Variants in NBPF12 observed in about 807,000 individuals in gnomAD.
NBPF12 encodes the protein NBPF member 12.
A neutral mutation model predicts 146.4 loss-of-function variants in NBPF12; 115 were observed. That is an observed-to-expected ratio of 0.79 (90% CI 0.68 to 0.92). The LOEUF is 0.92. Among genes scored for constraint, NBPF12 ranks in the 40% least tolerant of loss-of-function variants. The pLI, the probability that NBPF12 is intolerant of heterozygous loss-of-function variation, is 0.00. For synonymous variants in NBPF12, 385 were observed against 508.9 expected, an observed-to-expected ratio of 0.76 and a Z score of 3.28; for missense variants, 1,205 against 1,326.8, an observed-to-expected ratio of 0.91 and a Z score of 1.43.
chr1:146,961,085 G>A (rs1429360892), intron 4 of NBPF12, among the ~76,000 whole-genome samples: 6 of 152,098 alleles, frequency 3.9e-5, no homozygotes, highest in South Asian at 4.1e-4. Flanking sequence ...GGCAGGTGTT[G>A]CAGTGAGCCA....
intron 1 of NBPF12, among the ~76,000 whole-genome samples, chr1:146,950,122 G>A (rs1218342560): frequency 5.9e-5 from 9 of 152,062 alleles, no homozygotes; most frequent in East Asian, 3.8e-4. Flanking sequence ...AGTAGGACAC[G>A]CACATTCCCC....
chr1:146,961,708 A>C (rs1490404349), intron 4 of NBPF12, among the ~76,000 whole-genome samples: 1 of 152,008 alleles, frequency 6.6e-6, no homozygotes, highest in Admixed American at 6.5e-5. Context: ...AAATATTTTT[A>C]AAGTCCTTGA....
At chr1:146,972,842 A>T in exon 14 of NBPF12, 11 of 1,313,424 alleles carry the variant, frequency 8.4e-6, no homozygotes, top group Non-Finnish European at 5.5e-6. Context: ...ACATTCTAGA[A>T]ATCAATGAGA....
intron 2 of NBPF12, among the ~76,000 whole-genome samples, chr1:146,959,277 A>G (rs1259484922): frequency 1.8e-5 from 1 of 55,806 alleles, no homozygotes; most frequent in Non-Finnish European, 3.2e-5. Context: ...GATCGAGACC[A>G]TCCTGGCTAA....
intron 12 of NBPF12, 32 bp from the exon 16 acceptor site, chr1:146,971,148 ATCT>A: frequency 6.2e-7 from 1 of 1,610,330 alleles, no homozygotes; most frequent in Non-Finnish European, 8.5e-7. Context: ...TCTGTGTTTA[ATCT>A]TCTGTCATCT....
chr1:146,943,857 C>G (rs1333033938), intron 2 of NBPF12, among the ~76,000 whole-genome samples: 5 of 148,734 alleles, frequency 3.4e-5, no homozygotes, highest in Non-Finnish European at 7.4e-5. Flanking sequence ...CTCTTCCCCT[C>G]TCACCCCCCA....
At chr1:146,961,073 C>G (rs1386661422) in intron 4 of NBPF12, among the ~76,000 whole-genome samples, 1 of 152,064 alleles carries the variant, frequency 6.6e-6, no homozygotes, top group Admixed American at 6.6e-5. Flanking sequence ...TTGAACCCAG[C>G]AGGCAGGTGT....
intron 10 of NBPF12, among the ~76,000 whole-genome samples, chr1:146,968,899 CCTGA>C (rs1656380334): frequency 2.6e-5 from 4 of 151,282 alleles, no homozygotes. Context: ...AGAATCACCT[CCTGA>C]CTGACTGCGG....
At chr1:146,942,871 C>A (rs1187738749) in intron 1 of NBPF12, among the ~76,000 whole-genome samples, 1 of 149,960 alleles carries the variant, frequency 6.7e-6, no homozygotes, top group Non-Finnish European at 1.5e-5. Context: ...CTAAGATCTA[C>A]CTCAAATATT....
chr1:146,965,016 A>G, exon 8 of NBPF12: 2 of 1,608,522 alleles, frequency 1.2e-6, no homozygotes, highest in South Asian at 2.2e-5. Context: ...TCAAAATCAC[A>G]TTTGAGGAAG....
Position 146,971,181 on chromosome 1 carries a change from A to C in NBPF12, c.1380-2A>C. ...TCATCTCTGTCCCACCTGGCTCATC[A>C]GGGAGATGCAGAAGGCTGAAGAAAG... is the stretch of plus-strand genomic sequence containing the variant. On this transcript the variant is annotated splice_acceptor_variant, in intron 12 of 33. Transcript: ENST00000617844. LOFTEE classifies it high-confidence loss of function. The C allele has an allele frequency of 6.2e-7, 1 of 1,611,224 alleles. No homozygotes were observed. The highest frequency in any genetic ancestry group is 1.1e-5 in the South Asian group (1 of 90,994).
At chr1:146,994,261 C>G (rs1474975843) in intron 33 of NBPF12, 71 bp from the exon 37 acceptor site, 2 of 1,610,644 alleles carry the variant, frequency 1.2e-6, no homozygotes, top group Non-Finnish European at 1.7e-6. Context: ...TATGTTACTT[C>G]TGAAATCTAG....
chr1:146,972,293 C>G (rs1419745656), intron 13 of NBPF12, among the ~76,000 whole-genome samples: 3 of 150,994 alleles, frequency 2.0e-5, no homozygotes, highest in Non-Finnish European at 4.4e-5. Flanking sequence ...GCTTGGCAGG[C>G]TGAGTGATGA....
At chr1:146,966,336 G>C (rs1441155594) in intron 8 of NBPF12, 128 bp from the exon 12 acceptor site, 92 of 876,958 alleles carry the variant, frequency 1.0e-4, no homozygotes, top group Non-Finnish European at 1.5e-4. Context: ...GATGACAAGA[G>C]TGAAACCAGG....
intron 4 of NBPF12, among the ~76,000 whole-genome samples, chr1:146,960,775 C>T (rs1286239959): frequency 9.9e-5 from 15 of 151,992 alleles, no homozygotes; most frequent in African/African-American, 3.1e-4. Flanking sequence ...GTGATAGTAC[C>T]CAGTACCTGC....
chr1:146,948,695 G>A (rs783911), upstream of NBPF12, among the ~76,000 whole-genome samples: 4,010 of 152,040 alleles, frequency 0.026, 77 homozygotes, highest in African/African-American at 0.037. Flanking sequence ...CTCATGGGAA[G>A]GGAAAGACCT....
chr1:146,968,662 T>A, intron 10 of NBPF12, 112 bp downstream of exon 13: 2 of 959,426 alleles, frequency 2.1e-6, no homozygotes, highest in Non-Finnish European at 3.3e-6. Context: ...GGGCAGGAAT[T>A]GCCATGGCAG....
chr1:146,995,517 A>T (rs1227063251), exon 34 of NBPF12: 1 of 151,368 alleles, frequency 6.6e-6, no homozygotes, highest in Non-Finnish European at 1.5e-5. Context: ...TTGAACCCCA[A>T]ATATTTCCTC....
chr1:146,994,486 T>C (rs782688837), exon 34 of NBPF12: 1 of 1,608,828 alleles, frequency 6.2e-7, no homozygotes, highest in East Asian at 2.2e-5. Context: ...GCACATCACC[T>C]TTGCCCTTGA....
Sources: allele counts gnomAD v4.1 joint callset (sites outside exome capture counted in the v4.1 genomes callset), GRCh38; gene constraint gnomAD v4.1.1; transcripts MANE v1.5; gene names NCBI Gene and HGNC (gene_info 2026-07-23, HGNC 2026-07-21).